MMEL1: variants seen among roughly 807,000 people sequenced by gnomAD.
MMEL1 encodes the protein membrane metalloendopeptidase like 1.
In MMEL1, 98 loss-of-function variants were observed where a neutral mutation model predicts 117.1. The observed-to-expected ratio is 0.84, with a 90% CI of 0.71 to 0.99. The LOEUF is 0.99. MMEL1 is among the 50% of genes least tolerant of loss of function. The pLI, the probability that MMEL1 is intolerant of heterozygous loss-of-function variation, is 0.00. For missense variants in MMEL1, 1,014 were observed against 1,049.1 expected (o/e 0.97, Z 0.46); for synonymous variants, 390 against 415.1 (o/e 0.94, Z 0.74).
Position 2,604,991 on chromosome 1 carries a change from T to A in MMEL1, c.816+567A>T, listed in dbSNP as rs548497517. Reference sequence around the variant, plus strand: ...AGCCCACCTCCACCAGGAGGCCCCCTGGATTGTGTCTGGCCCTCTGGGGCA... The same window carrying A: ...AGCCCACCTCCACCAGGAGGCCCCCAGGATTGTGTCTGGCCCTCTGGGGCA... On this transcript the variant is annotated intron_variant, in intron 9 of 23. Coordinates refer to ENST00000378412, the MANE Select transcript of MMEL1 (RefSeq NM_033467.4). Among the ~76,000 whole-genome samples the A allele has an allele frequency of 3.3e-5, 5 of 152,318 alleles. No individual in the cohort carries two copies. In the East Asian group the frequency reaches 9.6e-4, roughly 29 times the overall value.
chr1:2,595,335 C>G lies in MMEL1; in HGVS notation c.1525G>C (p.Gly509Arg), dbSNP rs144596139. ...TCCTCCAGGATGTAGTCAGGGTGCC[C>G]GATCTGCTCCCGGATGCTCATGGCC... ...EKAMSIREQIGHPDYILEEMN... is the reference protein window; with the variant it reads ...EKAMSIREQIRHPDYILEEMN... Residue 509 changes from glycine to arginine, a missense_variant, in exon 16 of 24, where the codon GGG (glycine) becomes CGG (arginine). Physicochemically the swap from Gly to Arg is moderately radical, Grantham distance 125. Coordinates refer to ENST00000378412, the MANE Select transcript of MMEL1 (RefSeq NM_033467.4). This position sits in a 1 kb window ranked among gnomAD's most constrained non-coding sequence, Gnocchi z 4.8. 1.1e-5 allele frequency: 17 copies of G among 1,613,762 alleles called. No homozygotes were observed. Among genetic ancestry groups the G allele is most frequent in the Non-Finnish European group, 1.3e-5 (15 of 1,179,982 alleles).
intron 6 of MMEL1, among the ~76,000 whole-genome samples, chr1:2,608,064 G>A (rs1645057961): frequency 6.6e-6 from 1 of 152,114 alleles, no homozygotes; most frequent in African/African-American, 2.4e-5. Context: ...AAGTAAAGGC[G>A]AGGACACAGG....
intron 6 of MMEL1, among the ~76,000 whole-genome samples, chr1:2,608,329 C>T (rs758582932): frequency 2.0e-5 from 3 of 152,140 alleles, no homozygotes; most frequent in Non-Finnish European, 4.4e-5. Context: ...TGCAGACCCC[C>T]AAGTGGAGGA....
At chr1:2,611,141 TCCGAGTCCGGCCCACCCGGCTCCACCGC>T in intron 4 of MMEL1, 112 bp downstream of exon 4, 1 of 801,460 alleles carries the variant, frequency 1.2e-6, no homozygotes. Context: ...CCACAGCGAG[TCCGAGTCCGGCCCACCCGGCTCCACCGC>T]CCGCCGTGTC....
intron 2 of MMEL1, among the ~76,000 whole-genome samples, chr1:2,615,359 G>T (rs1355504488): frequency 6.6e-6 from 1 of 152,088 alleles, no homozygotes; most frequent in Admixed American, 6.5e-5. Flanking sequence ...TTCAACACAT[G>T]TTACCCCAGT....
intron 6 of MMEL1, among the ~76,000 whole-genome samples, chr1:2,609,034 TACACACACACACACACACAC>T (rs70956312): frequency 0.011 from 1,645 of 144,758 alleles, 29 homozygotes; most frequent in African/African-American, 0.039. Context: ...ATCCATATAA[TACACACACACACACACACAC>T]ACACACACAC....
Position 2,605,549 on chromosome 1 carries a change from C to A in MMEL1, c.816+9G>T, listed in dbSNP as rs766736028. On this transcript the variant is annotated intron_variant, in intron 9 of 23. Transcript: ENST00000378412. ...GGGTCATCTGGCATTGCGGTGAGGA[C>A]CCACCCACCTTCCGGTTGCTGCCGC... is the stretch of plus-strand genomic sequence containing the variant. The A allele has an allele frequency of 5.9e-5, 95 of 1,610,880 alleles. No individual in the cohort carries two copies. Among genetic ancestry groups the A allele is most frequent in the Middle Eastern group, 4.9e-4 (3 of 6,074 alleles).
At chr1:2,609,305 C>G in intron 6 of MMEL1, 34 bp downstream of exon 6, 1 of 1,592,806 alleles carries the variant, frequency 6.3e-7, no homozygotes, top group East Asian at 2.3e-5. Flanking sequence ...CCCCCGTCCC[C>G]TGCCTCGGCC....
chr1:2,594,551 G>A, intron 17 of MMEL1, 108 bp from the exon 18 acceptor site: 2 of 1,335,256 alleles, frequency 1.5e-6, no homozygotes, highest in Non-Finnish European at 2.1e-6. Flanking sequence ...CAGAGCAAGG[G>A]CCCAGGCCTA....
rs1307397241 is a variant in MMEL1, at chr1:2,595,367, G to A, written c.1501-8C>T. The stretch of plus-strand genomic sequence containing the variant: ...CTCCCGGATGCTCATGGCCTGAGTG[G>A]GGAGGAGGGACTGGTCAGTGGGTGC... On this transcript the variant is annotated splice_polypyrimidine_tract_variant and splice_region_variant and intron_variant, in intron 15 of 23. Coordinates refer to ENST00000378412, the MANE Select transcript of MMEL1 (RefSeq NM_033467.4). This position sits in a 1 kb window ranked among gnomAD's most constrained non-coding sequence, Gnocchi z 4.8. 6 of 1,613,388 alleles carry A rather than the reference G, an allele frequency of 3.7e-6. No individual in the cohort carries two copies. The highest frequency in any genetic ancestry group is 5.1e-6 in the Non-Finnish European group (6 of 1,179,788).
At chr1:2,591,309 A>C in intron 23 of MMEL1, 1 of 597,670 alleles carries the variant, frequency 1.7e-6, no homozygotes, top group Non-Finnish European at 3.0e-6. Context: ...CAACTCTGCA[A>C]TAAAACTCTC....
intron 8 of MMEL1, among the ~76,000 whole-genome samples, 159 bp from the exon 9 acceptor site, chr1:2,605,782 C>CCCTG (rs1645014842): frequency 1.3e-5 from 2 of 151,846 alleles, no homozygotes; most frequent in African/African-American, 4.8e-5. Context: ...GGAGGCCAGA[C>CCCTG]CCTGCCCCGA....
At position 2,604,225 on chromosome 1, in the gene MMEL1, A is replaced by T; in HGVS notation, c.873T>A (p.Asp291Glu). 1.2e-6 allele frequency: 2 copies of T among 1,612,288 alleles called. No homozygotes were observed. Among genetic ancestry groups the T allele is most frequent in the Non-Finnish European group, 8.5e-7 (1 of 1,179,824 alleles). ...GGCAGCTGTCCCTGGGCAGGTTTGC[A>T]TCCTCCCGCAGCAACGTGGCCACTG... is the stretch of plus-strand genomic sequence containing the variant. Reference protein sequence around the residue: ...MVSVATLLREDANLPRDSCLV... With the variant: ...MVSVATLLREEANLPRDSCLV... The change falls in exon 10 of 24, where the codon GAT (aspartate) becomes GAA (glutamate). Residue 291 changes from aspartate (D) to glutamate (E), a missense_variant. Asp to Glu is a conservative substitution (Grantham distance 45). Transcript: ENST00000378412.
chr1:2,604,684 C>G (rs1335188025), intron 9 of MMEL1, among the ~76,000 whole-genome samples: 1 of 152,044 alleles, frequency 6.6e-6, no homozygotes, highest in Non-Finnish European at 1.5e-5. Context: ...TTGGGCTTCC[C>G]TACCCAGGTG....
At chr1:2,630,611 G>A (rs1638507810) in intron 1 of MMEL1, among the ~76,000 whole-genome samples, 1 of 151,872 alleles carries the variant, frequency 6.6e-6, no homozygotes, top group African/African-American at 2.4e-5. Flanking sequence ...GTGTGCATGT[G>A]TGTGACTGCA....
In MMEL1 at chr1:2,606,430, C is replaced by T. The variant is rs547330435; in HGVS notation, c.632-64G>A. On this transcript the variant is annotated intron_variant, in intron 7 of 23. Transcript: ENST00000378412. ...CTGGGGCCCCAGCCCGGCCCCTTGT[C>T]GGTGAATCTGGCCTCCGGAGCCAGG... 3.4e-5 allele frequency: 44 copies of T among 1,301,036 alleles called. 1 individual carries two copies. In the South Asian group the frequency reaches 3.8e-4, roughly 11 times the overall value. 80.6% of individuals were successfully genotyped at this position (1,301,036 alleles called of 1,614,324 possible).
At chr1:2,631,967 C>G (rs940561668) in intron 1 of MMEL1, among the ~76,000 whole-genome samples, 3 of 152,336 alleles carry the variant, frequency 2.0e-5, no homozygotes, top group African/African-American at 7.2e-5. Context: ...CTCCCTGGCC[C>G]CTGGTAGCCA....
intron 1 of MMEL1, among the ~76,000 whole-genome samples, chr1:2,631,866 C>T (rs968798343): frequency 1.1e-4 from 17 of 152,178 alleles, no homozygotes; most frequent in African/African-American, 4.1e-4. Context: ...GTTCCAGGCC[C>T]CACCAATCAC....
intron 4 of MMEL1, among the ~76,000 whole-genome samples, chr1:2,610,734 C>T (rs1163585315): frequency 6.6e-6 from 1 of 152,208 alleles, no homozygotes; most frequent in East Asian, 1.9e-4. Context: ...ACCCCCCGAC[C>T]AAGAACCGTC....
Sources: gnomAD v4.1 joint callset for allele counts (sites outside exome capture counted in the v4.1 genomes callset) on GRCh38, gnomAD v4.1.1 for gene constraint, Gnocchi (gnomAD v3.1) non-coding constraint, MANE v1.5 for transcripts, NCBI Gene and HGNC (gene_info 2026-07-23, HGNC 2026-07-21) for gene names.